NAV3: variants seen among roughly 807,000 people sequenced by gnomAD.
NAV3 encodes the protein neuron navigator 3.
A neutral mutation model predicts 244.7 loss-of-function variants in NAV3; 87 were observed. The ratio of observed to expected loss-of-function variants is 0.36; its 90% CI spans 0.30 to 0.42. The LOEUF (loss-of-function observed/expected upper bound fraction) is 0.42. NAV3 is among the 20% of genes least tolerant of loss of function. The pLI is 1.00. For missense variants in NAV3, 2,663 were observed against 2,893.3 expected, an observed-to-expected ratio of 0.92 and a Z score of 1.83; for synonymous variants, 1,126 against 1,042.2, an observed-to-expected ratio of 1.08 and a Z score of -1.55.
intron 13 of NAV3, 121 bp downstream of exon 13, chr12:78,117,025 T>A: frequency 8.4e-7 from 1 of 1,189,030 alleles, no homozygotes; most frequent in Non-Finnish European, 1.2e-6. Context: ...AACTGGAAAA[T>A]GCAGAGATAA....
chr12:77,750,730 A>G (rs1046239735), intron 2 of NAV3, among the ~76,000 whole-genome samples: 3 of 152,176 alleles, frequency 2.0e-5, no homozygotes, highest in African/African-American at 7.2e-5. Context: ...AAGTGATACA[A>G]TAGCATATGG....
Position 78,188,361 on chromosome 12 carries a change from C to A in NAV3, c.5886+18C>A, listed in dbSNP as rs900659807. 10 of 1,558,910 alleles carry A rather than the reference C, an allele frequency of 6.4e-6. No individual in the cohort carries two copies. Among genetic ancestry groups the A allele is most frequent in the Non-Finnish European group, 4.4e-6 (5 of 1,135,268 alleles). On this transcript the variant is annotated intron_variant, in intron 32 of 39. Transcript: ENST00000397909. Reference sequence around the variant, plus strand: ...TCTTTAAGGTATGTTGTGCAAGACACCCTAATAGTACTTTTCAAATATGTT... The same window carrying A: ...TCTTTAAGGTATGTTGTGCAAGACAACCTAATAGTACTTTTCAAATATGTT...
intron 2 of NAV3, among the ~76,000 whole-genome samples, chr12:77,719,292 C>T (rs1271465421): frequency 6.6e-6 from 1 of 151,946 alleles, no homozygotes; most frequent in African/African-American, 2.4e-5. Flanking sequence ...GACTTGGATG[C>T]CTTTTCTCTC....
chr12:77,678,998 T>C (rs769196493), intron 2 of NAV3, among the ~76,000 whole-genome samples: 4 of 152,192 alleles, frequency 2.6e-5, no homozygotes, highest in Admixed American at 1.3e-4. Flanking sequence ...TCCAAAACTT[T>C]CAAAAATGTA....
chr12:77,847,816 A>G (rs997546040), intron 1 of NAV3, among the ~76,000 whole-genome samples: 3 of 152,176 alleles, frequency 2.0e-5, no homozygotes, highest in Non-Finnish European at 4.4e-5. Context: ...TTCAGAGGAA[A>G]GTTCCCATAT....
At chr12:77,762,162 A>G (rs532848150) in intron 2 of NAV3, among the ~76,000 whole-genome samples, 38 of 152,214 alleles carry the variant, frequency 2.5e-4, no homozygotes, top group African/African-American at 7.9e-4. Flanking sequence ...ATCATTCTCA[A>G]CAAACTAACA....
chr12:77,769,523 T>A (rs901209143), intron 2 of NAV3, among the ~76,000 whole-genome samples: 20 of 152,246 alleles, frequency 1.3e-4, no homozygotes, highest in African/African-American at 4.3e-4. Context: ...TCTCTATACA[T>A]TTTTTTATTC....
Position 78,185,638 on chromosome 12 carries a change from T to A in NAV3, c.5730T>A (p.His1910Gln), listed in dbSNP as rs755030097. Residue 1910 changes from histidine (H) to glutamine (Q), a missense_variant, in exon 31 of 40, where the codon CAT becomes CAA. Physicochemically the swap from His to Gln is conservative, Grantham distance 24. Around this residue, in one of 6 missense-constraint regions of NAV3, gnomAD observed 543 missense variants for 672.4 expected, o/e 0.81. Coordinates refer to ENST00000397909, the MANE Select transcript of NAV3 (RefSeq NM_001024383.2). ...LLDDAGDATG[H>Q]KDGRSVKIIV... ...ATGATGCTGGTGATGCAACTGGACA[T>A]AAAGATGGCCGCAGTGTGAAAATTA... 1.2e-6 allele frequency: 2 copies of A among 1,608,574 alleles called. No homozygotes were observed. Among genetic ancestry groups the A allele is most frequent in the Non-Finnish European group, 1.7e-6 (2 of 1,177,396 alleles).
At chr12:77,803,479 A>T (rs1871820799) in intron 2 of NAV3, among the ~76,000 whole-genome samples, 1 of 152,136 alleles carries the variant, frequency 6.6e-6, no homozygotes, top group Non-Finnish European at 1.5e-5. Flanking sequence ...ATGGCTGCAT[A>T]GTATTCCATG....
chr12:77,691,337 G>GTATATATA (rs1182535904), intron 2 of NAV3, among the ~76,000 whole-genome samples: 1 of 104,256 alleles, frequency 9.6e-6, no homozygotes, highest in African/African-American at 3.5e-5. Flanking sequence ...GTGTATGTGT[G>GTATATATA]TATATATATA....
intron 2 of NAV3, among the ~76,000 whole-genome samples, chr12:77,759,964 G>A (rs182080865): frequency 2.0e-5 from 3 of 152,246 alleles, no homozygotes; most frequent in East Asian, 1.9e-4. Flanking sequence ...AATTAAAGTA[G>A]CCTCTTTGTA....
chr12:78,002,782 A>G (rs892581783), intron 7 of NAV3, among the ~76,000 whole-genome samples: 1 of 152,062 alleles, frequency 6.6e-6, no homozygotes, highest in Admixed American at 6.6e-5. Context: ...GGATTTTAGT[A>G]TTCTTTCCAT....
chr12:77,843,397 TTG>T (rs58382126), intron 1 of NAV3, among the ~76,000 whole-genome samples: 48,244 of 147,656 alleles, frequency 0.33, 7,945 homozygotes, highest in South Asian at 0.47. Flanking sequence ...TGTTAATCAT[TTG>T]TGTGTGTGTG....
intron 2 of NAV3, among the ~76,000 whole-genome samples, chr12:77,792,977 C>T (rs906108103): frequency 1.3e-5 from 2 of 152,124 alleles, no homozygotes; most frequent in East Asian, 1.9e-4. Context: ...GATTTCAGTG[C>T]GGGATATTCT....
intron 12 of NAV3, among the ~76,000 whole-genome samples, chr12:78,076,995 A>G (rs1001394934): frequency 1.3e-5 from 2 of 152,196 alleles, no homozygotes; most frequent in Admixed American, 6.5e-5. Flanking sequence ...TAAAACATCA[A>G]AGAATTCATC....
At chr12:78,025,370 G>T (rs751363424) in intron 9 of NAV3, among the ~76,000 whole-genome samples, 1 of 151,968 alleles carries the variant, frequency 6.6e-6, no homozygotes, top group African/African-American at 2.4e-5. Context: ...GGCCGAGGGG[G>T]TCAGGTAATG....
chr12:77,609,646 C>G (rs966413471), intron 2 of NAV3, among the ~76,000 whole-genome samples: 1 of 150,360 alleles, frequency 6.7e-6, no homozygotes, highest in African/African-American at 2.4e-5. Flanking sequence ...TGAACAACTT[C>G]CCAGGTGATG....
chr12:78,020,875 G>A (rs1877034136), intron 8 of NAV3, among the ~76,000 whole-genome samples: 1 of 152,070 alleles, frequency 6.6e-6, no homozygotes, highest in Admixed American at 6.6e-5. Flanking sequence ...AGGCAAATGA[G>A]ATGTCTCTAA....
chr12:77,865,730 C>G (rs1313588822), intron 1 of NAV3, among the ~76,000 whole-genome samples: 7 of 151,890 alleles, frequency 4.6e-5, no homozygotes, highest in Admixed American at 4.6e-4. Flanking sequence ...TTGCTTCTCT[C>G]TCTCTCTCTA....
Sources: allele counts gnomAD v4.1 joint callset (sites outside exome capture counted in the v4.1 genomes callset), GRCh38; gene constraint gnomAD v4.1.1; regional missense constraint gnomAD v4.1.1; transcripts MANE v1.5; gene names NCBI Gene and HGNC (gene_info 2026-07-23, HGNC 2026-07-21).